The following LTBP1 variants were observed in gnomAD, a reference collection of about 807,000 sequenced individuals.
LTBP1 encodes the protein latent transforming growth factor beta binding protein 1, also known as latent-transforming growth factor beta-binding protein 1.
Under a neutral mutation model 207.6 loss-of-function variants are expected in LTBP1, and 129 were observed. The ratio of observed to expected loss-of-function variants is 0.62; its 90% CI spans 0.54 to 0.72. LTBP1 has a LOEUF of 0.72. LTBP1 is among the 30% of genes least tolerant of loss of function. The pLI, the probability that LTBP1 is intolerant of heterozygous loss-of-function variation, is 0.00. For synonymous variants in LTBP1, 963 were observed against 833.7 expected, an observed-to-expected ratio of 1.16 and a Z score of -2.67; for missense variants, 2,281 against 2,217.2, an observed-to-expected ratio of 1.03 and a Z score of -0.58.
intron 3 of LTBP1, among the ~76,000 whole-genome samples, chr2:33,086,291 G>A (rs1032023717): frequency 2.6e-4 from 39 of 152,318 alleles, no homozygotes; most frequent in African/African-American, 5.5e-4. Context: ...TCAGGCTACC[G>A]GGTGGGTACC....
intron 15 of LTBP1, among the ~76,000 whole-genome samples, chr2:33,272,247 C>A (rs144244152): frequency 6.6e-6 from 1 of 152,322 alleles, no homozygotes; most frequent in Non-Finnish European, 1.5e-5. Flanking sequence ...CTGTTTTCCA[C>A]ATCCTTTTAC....
chr2:33,370,040 T>C (rs2095048089), intron 31 of LTBP1, among the ~76,000 whole-genome samples: 1 of 152,252 alleles, frequency 6.6e-6, no homozygotes, highest in Non-Finnish European at 1.5e-5. Flanking sequence ...CTTTTCCCCA[T>C]GACCTTGTTA....
At chr2:33,296,312 A>G (rs2093873784) in intron 20 of LTBP1, among the ~76,000 whole-genome samples, 1 of 151,850 alleles carries the variant, frequency 6.6e-6, no homozygotes, top group African/African-American at 2.4e-5. Context: ...TCACAGTTGC[A>G]TTCTTCAGCT....
At chr2:33,013,366 T>C (rs1018157904) in intron 2 of LTBP1, among the ~76,000 whole-genome samples, 3 of 152,116 alleles carry the variant, frequency 2.0e-5, no homozygotes, top group African/African-American at 7.2e-5. Context: ...TTTCCCTCTG[T>C]CTAAATTATC....
At chr2:33,257,077 T>TA (rs978041530) in intron 11 of LTBP1, among the ~76,000 whole-genome samples, 7 of 150,672 alleles carry the variant, frequency 4.6e-5, no homozygotes, top group Middle Eastern at 3.2e-3. Flanking sequence ...AAATGTTTAG[T>TA]AAAAAAAAAG....
intron 24 of LTBP1, among the ~76,000 whole-genome samples, chr2:33,326,845 G>A (rs909635424): frequency 2.2e-4 from 33 of 152,016 alleles, no homozygotes; most frequent in Non-Finnish European, 3.2e-4. Flanking sequence ...TTTCTTAGTA[G>A]GGAAGGGTTT....
intron 24 of LTBP1, among the ~76,000 whole-genome samples, chr2:33,321,817 T>G (rs754663029): frequency 2.0e-5 from 3 of 152,134 alleles, no homozygotes; most frequent in Non-Finnish European, 4.4e-5. Flanking sequence ...AGAGAGAATT[T>G]TAACAACAGA....
intron 6 of LTBP1, among the ~76,000 whole-genome samples, 178 bp from the exon 7 acceptor site, chr2:33,188,399 C>T (rs2087443343): frequency 8.0e-6 from 1 of 125,484 alleles, no homozygotes; most frequent in African/African-American, 3.1e-5. Flanking sequence ...TGCACATCAG[C>T]CTGGGTGACC....
At chr2:33,040,213 G>T (rs1377816445) in intron 3 of LTBP1, among the ~76,000 whole-genome samples, 1 of 152,158 alleles carries the variant, frequency 6.6e-6, no homozygotes, top group East Asian at 1.9e-4. Context: ...GAAAGCAGGA[G>T]AGGGCTGCTC....
chr2:32,964,150 T>C (rs77026495), intron 2 of LTBP1, among the ~76,000 whole-genome samples: 1 of 152,172 alleles, frequency 6.6e-6, no homozygotes, highest in African/African-American at 2.4e-5. Context: ...GGGGTCATGC[T>C]GACTCCATCC....
intron 5 of LTBP1, among the ~76,000 whole-genome samples, chr2:33,139,771 T>C (rs932455541): frequency 1.2e-4 from 19 of 152,082 alleles, no homozygotes; most frequent in African/African-American, 3.9e-4. Flanking sequence ...CCCCCTAGAA[T>C]TGGGCATGGA....
intron 3 of LTBP1, among the ~76,000 whole-genome samples, chr2:33,032,533 C>T (rs977860398): frequency 1.3e-5 from 2 of 152,104 alleles, no homozygotes; most frequent in African/African-American, 4.8e-5. Context: ...CTTGATTATC[C>T]TGTATTGGTG....
intron 13 of LTBP1, among the ~76,000 whole-genome samples, chr2:33,261,633 T>A (rs1423339513): frequency 2.0e-5 from 3 of 151,956 alleles, no homozygotes; most frequent in Non-Finnish European, 4.4e-5. Flanking sequence ...GACTAAAAGG[T>A]GACTTTAAAC....
chr2:33,315,331 C>G (rs890547662), intron 24 of LTBP1, 62 bp downstream of exon 24: 2 of 1,594,896 alleles, frequency 1.3e-6, no homozygotes, highest in South Asian at 1.1e-5. Context: ...ATTGCTTTCA[C>G]TTATACAAAG....
intron 31 of LTBP1, among the ~76,000 whole-genome samples, chr2:33,368,426 A>G (rs970547386): frequency 7.9e-5 from 12 of 152,202 alleles, no homozygotes; most frequent in African/African-American, 2.9e-4. Flanking sequence ...AAACACACAA[A>G]TGCAGGTATC....
chr2:33,057,561 G>A (rs1273713797), intron 3 of LTBP1, among the ~76,000 whole-genome samples: 2 of 152,214 alleles, frequency 1.3e-5, no homozygotes, highest in African/African-American at 2.4e-5. Flanking sequence ...TGCAGGTACC[G>A]AGCCCTGCCC....
At chr2:33,288,722 G>A (rs551387299) in intron 19 of LTBP1, among the ~76,000 whole-genome samples, 41 of 152,078 alleles carry the variant, frequency 2.7e-4, no homozygotes, top group African/African-American at 9.4e-4. Context: ...AGGTGTGCTG[G>A]CAGGCACCTG....
intron 3 of LTBP1, among the ~76,000 whole-genome samples, chr2:33,078,862 C>CTTTTCTTTTTTTTTTTTTTTTT (rs1367646259): frequency 9.4e-6 from 1 of 106,888 alleles, no homozygotes; most frequent in Non-Finnish European, 1.8e-5. Context: ...CTTTTCTTTT[C>CTTTTCTTTTTTTTTTTTTTTTT]TTTTTTTTTT....
intron 19 of LTBP1, among the ~76,000 whole-genome samples, chr2:33,291,014 C>G (rs1456144817): frequency 6.6e-6 from 1 of 152,200 alleles, no homozygotes; most frequent in African/African-American, 2.4e-5. Context: ...TGATATTTTA[C>G]TGTCTTGCTA....
Sources: gnomAD v4.1 joint callset for allele counts (sites outside exome capture counted in the v4.1 genomes callset) on GRCh38, gnomAD v4.1.1 for gene constraint, MANE v1.5 for transcripts, NCBI Gene and HGNC (gene_info 2026-07-23, HGNC 2026-07-21) for gene names.